STRN: variants seen among roughly 807,000 people sequenced by gnomAD.
STRN encodes striatin, also known as protein phosphatase 2 regulatory subunit B'''alpha.
Under a neutral mutation model 96.3 loss-of-function variants are expected in STRN, and 53 were observed. That is an observed-to-expected ratio of 0.55 (90% confidence interval 0.44 to 0.69). The LOEUF (loss-of-function observed/expected upper bound fraction) is 0.69, where lower values mean the gene tolerates loss of function less well. STRN is among the 30% of genes least tolerant of loss of function. The pLI, the probability that STRN is intolerant of heterozygous loss-of-function variation, is 0.00. For missense variants in STRN, 987 were observed against 963.9 expected, an observed-to-expected ratio of 1.02 and a Z score of -0.32; for synonymous variants, 428 against 355.9, an observed-to-expected ratio of 1.20 and a Z score of -2.28.
chr2:36,953,419 T>C (rs1412774784), intron 1 of STRN, among the ~76,000 whole-genome samples: 2 of 151,042 alleles, frequency 1.3e-5, no homozygotes, highest in African/African-American at 2.4e-5. Context: ...TTTTTTTTTT[T>C]GGAAATGCAG....
At chr2:36,868,247 CAA>C (rs1668678297) in intron 11 of STRN, among the ~76,000 whole-genome samples, 2 of 119,866 alleles carry the variant, frequency 1.7e-5, no homozygotes, top group African/African-American at 5.0e-5. Context: ...CCGTTTAAAA[CAA>C]AACAGAAAAA....
chr2:36,915,114 G>A (rs974219455), intron 3 of STRN, among the ~76,000 whole-genome samples: 26 of 149,932 alleles, frequency 1.7e-4, no homozygotes, highest in Admixed American at 4.0e-4. Flanking sequence ...GGAGAATGGC[G>A]TGAACCCGGG....
Position 36,851,038 on chromosome 2 carries a change from T to C in STRN, c.2048A>G (p.His683Arg). The change falls in exon 16 of 18, where the codon CAT becomes CGT. Residue 683 changes from histidine to arginine, a missense_variant. By Grantham distance (29) the His-to-Arg change is conservative (BLOSUM62 0). Transcript: ENST00000263918. ...ATAGAATTTGATGTGCCTGTCTTCA[T>C]GAGCAGTGATGCTGATCGGAAGAGT... is the stretch of plus-strand genomic sequence containing the variant. ...HPTLPISITA[H>R]EDRHIKFYDN... 1 of 1,613,630 alleles carries C rather than the reference T, an allele frequency of 6.2e-7. No homozygotes were observed. The highest frequency in any genetic ancestry group is 8.5e-7 in the Non-Finnish European group (1 of 1,179,748).
chr2:36,899,723 T>C (rs1669635550), intron 5 of STRN, 65 bp from the exon 6 acceptor site: 2 of 1,414,210 alleles, frequency 1.4e-6, no homozygotes, highest in East Asian at 2.5e-5. Context: ...AAGTAACCCA[T>C]GATATGTTAC....
intron 1 of STRN, among the ~76,000 whole-genome samples, chr2:36,944,877 C>T (rs1162855525): frequency 6.6e-6 from 1 of 152,098 alleles, no homozygotes; most frequent in Non-Finnish European, 1.5e-5. Flanking sequence ...TTAAATTTAT[C>T]AGACTAGCAA....
In STRN at chr2:36,877,924, C is replaced by A; in HGVS notation, c.1290G>T (p.Thr430=). The change falls in exon 10 of 18, where the codon ACG becomes ACT. Residue 430 remains threonine (T), a synonymous_variant. Transcript: ENST00000263918. The stretch of plus-strand genomic sequence containing the variant: ...TTAGTGAGTCTGCTTCATTGGCCAC[C>A]GTAAGGCCTGCTAGTTCTCCAAGTC... ...ELGLGELAGL[T]VANEADSLTY... The A allele has an allele frequency of 6.2e-7, 1 of 1,614,140 alleles. No homozygotes were observed. The highest frequency in any genetic ancestry group is 8.5e-7 in the Non-Finnish European group (1 of 1,180,020).
At chr2:36,852,998 A>T (rs1421314764) in intron 15 of STRN, among the ~76,000 whole-genome samples, 1 of 152,122 alleles carries the variant, frequency 6.6e-6, no homozygotes, top group East Asian at 1.9e-4. Flanking sequence ...CTCTACGCAA[A>T]ATACAAAAAT....
intron 7 of STRN, among the ~76,000 whole-genome samples, chr2:36,887,084 C>CACACACACAT (rs1281980963): frequency 1.2e-4 from 14 of 118,182 alleles, no homozygotes; most frequent in African/African-American, 4.1e-4. Flanking sequence ...CACACACACA[C>CACACACACAT]ACGGAAGATT....
intron 6 of STRN, among the ~76,000 whole-genome samples, chr2:36,898,652 G>GA (rs1669605188): frequency 6.6e-6 from 1 of 152,146 alleles, no homozygotes; most frequent in Admixed American, 6.6e-5. Flanking sequence ...TTTTACAAAT[G>GA]AAAAAACTAA....
chr2:36,941,934 G>A (rs997352981), intron 1 of STRN, among the ~76,000 whole-genome samples: 1 of 152,056 alleles, frequency 6.6e-6, no homozygotes, highest in African/African-American at 2.4e-5. Context: ...AACCATTGTG[G>A]TAGATGTTGT....
At chr2:36,916,712 T>G (rs1169234713) in intron 2 of STRN, among the ~76,000 whole-genome samples, 1 of 152,206 alleles carries the variant, frequency 6.6e-6, no homozygotes, top group Non-Finnish European at 1.5e-5. Context: ...AAAGGAATTT[T>G]TTTATACTAG....
chr2:36,958,132 C>G (rs189759052), intron 1 of STRN, among the ~76,000 whole-genome samples: 2 of 151,966 alleles, frequency 1.3e-5, no homozygotes, highest in Admixed American at 1.3e-4. Flanking sequence ...GTTGGCCAAG[C>G]TGGTCTTGAA....
chr2:36,845,667 A>G lies in STRN; in HGVS notation c.*3789T>C, dbSNP rs1668049913. The G allele has an allele frequency of 6.6e-6, 1 of 152,122 alleles. No homozygotes were observed. The highest frequency in any genetic ancestry group is 1.9e-4 in the East Asian group (1 of 5,196). 9.4% of individuals were successfully genotyped at this position (152,122 alleles called of 1,614,324 possible). A position where few individuals can be genotyped will look rare whatever the true frequency, so the allele number is the denominator to read the frequency against. ...GAGATCCCATAATTTTGGTGAACAA[A>G]TAATTTCTCCTTCTACCTGAACTTT... On this transcript the variant is annotated 3_prime_UTR_variant, in exon 18 of 18. Coordinates refer to ENST00000263918, the MANE Select transcript of STRN (RefSeq NM_003162.4).
intron 1 of STRN, among the ~76,000 whole-genome samples, chr2:36,962,586 G>A (rs537061402): frequency 6.6e-6 from 1 of 151,728 alleles, no homozygotes; most frequent in East Asian, 1.9e-4. Context: ...GAGTGCAGTG[G>A]CACGATCTCA....
rs902009127 is a variant in STRN at position 36,837,917 on chromosome 2, G to C, written c.*11539C>G. 6.6e-6 allele frequency among the ~76,000 whole-genome samples: 1 copy of C among 152,140 alleles called. No homozygotes were observed. The highest frequency in any genetic ancestry group is 1.5e-5 in the Non-Finnish European group (1 of 68,018). Reference sequence around the variant, plus strand: ...GAAAAATTTAAAAATGTATATAAAAGTATAACTACGAATATTTGTGGTAGG... The same window carrying C: ...GAAAAATTTAAAAATGTATATAAAACTATAACTACGAATATTTGTGGTAGG... On this transcript the variant is annotated 3_prime_UTR_variant, in exon 18 of 18. Coordinates refer to ENST00000263918, the MANE Select transcript of STRN (RefSeq NM_003162.4).
chr2:36,942,406 C>T (rs1293626689), intron 1 of STRN, among the ~76,000 whole-genome samples: 1 of 152,104 alleles, frequency 6.6e-6, no homozygotes, highest in African/African-American at 2.4e-5. Flanking sequence ...AAAGGGTTTA[C>T]CAGCAGCCAA....
intron 1 of STRN, among the ~76,000 whole-genome samples, chr2:36,930,431 CAAA>C (rs1255302084): frequency 2.8e-5 from 3 of 108,654 alleles, no homozygotes; most frequent in African/African-American, 3.4e-5. Flanking sequence ...GACTCCATCT[CAAA>C]AAAAAAAAAA....
chr2:36,905,165 C>T (rs1669790050), intron 4 of STRN, among the ~76,000 whole-genome samples: 1 of 152,062 alleles, frequency 6.6e-6, no homozygotes. Flanking sequence ...GATGGAGTTT[C>T]ACCATGTTGG....
chr2:36,910,695 C>CA (rs1669943074), intron 3 of STRN, among the ~76,000 whole-genome samples: 1 of 152,028 alleles, frequency 6.6e-6, no homozygotes, highest in African/African-American at 2.4e-5. Flanking sequence ...ACAGACTGAA[C>CA]AAAATGAATT....
Sources: allele counts gnomAD v4.1 joint callset (sites outside exome capture counted in the v4.1 genomes callset), GRCh38; gene constraint gnomAD v4.1.1; transcripts MANE v1.5; gene names NCBI Gene and HGNC (gene_info 2026-07-23, HGNC 2026-07-21).